GNA13: variants seen among roughly 807,000 people sequenced by gnomAD.
GNA13 encodes the protein guanine nucleotide-binding protein subunit alpha-13.
A neutral mutation model predicts 33.5 loss-of-function variants in GNA13; 4 were observed. The observed-to-expected ratio is 0.12, with a 90% CI of 0.06 to 0.27. The LOEUF is 0.27. Ranked by LOEUF, GNA13 falls within the 10% of genes least tolerant of loss-of-function variation. The pLI, the probability that GNA13 is intolerant of heterozygous loss-of-function variation, is 1.00. For synonymous variants in GNA13, 176 were observed against 183.8 expected (o/e 0.96, Z 0.34); for missense variants, 319 against 487.2 (o/e 0.65, Z 3.25).
intron 1 of GNA13, 60 bp downstream of exon 1, chr17:65,056,251 A>ACCCCCCC: frequency 9.5e-6 from 7 of 740,722 alleles, no homozygotes; most frequent in Non-Finnish European, 1.2e-5. Context: ...CCCGCCCCGC[A>ACCCCCCC]CCCGCCGCCG....
intron 2 of GNA13, among the ~76,000 whole-genome samples, chr17:65,032,684 T>G (rs553542976): frequency 6.6e-6 from 1 of 152,366 alleles, no homozygotes; most frequent in African/African-American, 2.4e-5. Context: ...TTTCACTTCT[T>G]TTATTTAATG....
chr17:65,012,808 A>G lies in GNA13; in HGVS notation c.*1449T>C. On this transcript the variant is annotated 3_prime_UTR_variant, in exon 4 of 4. Coordinates refer to ENST00000439174, the MANE Select transcript of GNA13 (RefSeq NM_006572.6). ...TCACAGTCTTAAAATTTTCAGGAAA[A>G]GTAGAAAAGCTGTCAGACTTTTCAA... The G allele has an allele frequency of 4.6e-6, 1 of 217,542 alleles. No individual in the cohort carries two copies. Among genetic ancestry groups the G allele is most frequent in the Non-Finnish European group, 9.3e-6 (1 of 108,088 alleles). 13.5% of individuals were successfully genotyped at this position (217,542 alleles called of 1,614,324 possible).
chr17:65,056,318 C>A lies in GNA13; in HGVS notation c.276G>T (p.Val92=). ...EEFRPTIYSN[V]IKGMRVLVDA... is the part of the protein sequence containing the mutation. ...CCATTCCCGGCCCGGCACCTTTGATCACGTTGCTGTAGATGGTGGGGCGGA... is the reference window on the plus strand; with the variant it reads ...CCATTCCCGGCCCGGCACCTTTGATAACGTTGCTGTAGATGGTGGGGCGGA... The change falls in exon 1 of 4, where the codon GTG becomes GTT. Residue 92 remains valine, a synonymous_variant. Coordinates refer to ENST00000439174, the MANE Select transcript of GNA13 (RefSeq NM_006572.6). The A allele has an allele frequency of 6.7e-7, 1 of 1,501,570 alleles. No homozygotes were observed. Among genetic ancestry groups the A allele is most frequent in the Non-Finnish European group, 9.0e-7 (1 of 1,112,254 alleles). The allele number at this position is 1,501,570 out of a possible 1,614,324, so 93.0% of individuals were successfully genotyped here.
chr17:65,041,958 T>A (rs1292552859), intron 2 of GNA13, among the ~76,000 whole-genome samples: 1 of 152,216 alleles, frequency 6.6e-6, no homozygotes, highest in Non-Finnish European at 1.5e-5. Flanking sequence ...TTTGATTCTT[T>A]AGAGTTGTAA....
chr17:65,045,223 T>C (rs574279944), intron 2 of GNA13, among the ~76,000 whole-genome samples: 63 of 149,600 alleles, frequency 4.2e-4, no homozygotes, highest in South Asian at 2.1e-3. Context: ...TCAGAATACA[T>C]TAAAAACTGT....
intron 2 of GNA13, among the ~76,000 whole-genome samples, chr17:65,050,881 T>C (rs1037735666): frequency 2.6e-5 from 4 of 152,218 alleles, no homozygotes; most frequent in African/African-American, 9.6e-5. Flanking sequence ...CTGGAACTTA[T>C]CTCTCCTCAT....
intron 2 of GNA13, chr17:65,053,235 G>C (rs571687310): frequency 4.8e-6 from 2 of 414,782 alleles, no homozygotes; most frequent in East Asian, 4.2e-5. Context: ...GCTGGGAATG[G>C]GACTCAAGTC....
intron 2 of GNA13, among the ~76,000 whole-genome samples, chr17:65,026,530 ATAAT>A (rs1415887946): frequency 6.6e-6 from 1 of 152,244 alleles, no homozygotes; most frequent in East Asian, 1.9e-4. Flanking sequence ...CAAAGTAAGT[ATAAT>A]TAAAGAAATA....
At chr17:65,035,260 C>T (rs1166853585) in intron 2 of GNA13, among the ~76,000 whole-genome samples, 4 of 152,030 alleles carry the variant, frequency 2.6e-5, no homozygotes, top group African/African-American at 4.8e-5. Flanking sequence ...ACATATATAG[C>T]GGGAAGAATT....
chr17:65,029,319 T>C (rs1052194534), intron 2 of GNA13, among the ~76,000 whole-genome samples: 1 of 152,190 alleles, frequency 6.6e-6, no homozygotes, highest in African/African-American at 2.4e-5. Context: ...CTACCTCCTC[T>C]GCCTAACACC....
intron 2 of GNA13, among the ~76,000 whole-genome samples, chr17:65,037,777 G>GAAAAAAAAAAAAAAAAAAAAAAAAA (rs145051963): frequency 3.7e-5 from 3 of 82,042 alleles, no homozygotes; most frequent in African/African-American, 5.1e-5. Flanking sequence ...CTACAAAAAT[G>GAAAAAAAAAAAAAAAAAAAAAAAAA]GAAAAAAAAA....
chr17:65,045,333 A>C (rs1907619453), intron 2 of GNA13, among the ~76,000 whole-genome samples: 1 of 152,076 alleles, frequency 6.6e-6, no homozygotes, highest in Non-Finnish European at 1.5e-5. Flanking sequence ...CAGCCTGGCC[A>C]ACATGGTGAA....
At chr17:65,034,023 A>AAAT in intron 2 of GNA13, among the ~76,000 whole-genome samples, 1 of 150,746 alleles carries the variant, frequency 6.6e-6, no homozygotes, top group East Asian at 1.9e-4. Context: ...AAAAAAAAAA[A>AAAT]AAAAAAAAAA....
chr17:65,026,810 CT>C (rs1400417457), intron 2 of GNA13, among the ~76,000 whole-genome samples: 2 of 152,204 alleles, frequency 1.3e-5, no homozygotes, highest in African/African-American at 4.8e-5. Context: ...CGGAGTTTCG[CT>C]CTTGTTGCCC....
chr17:65,022,418 G>T (rs914701287), intron 2 of GNA13, among the ~76,000 whole-genome samples: 3 of 150,868 alleles, frequency 2.0e-5, no homozygotes, highest in African/African-American at 7.3e-5. Context: ...AAAAAAAAGG[G>T]AGTAAATACA....
chr17:65,030,591 T>C (rs1906966502), intron 2 of GNA13, among the ~76,000 whole-genome samples: 1 of 152,224 alleles, frequency 6.6e-6, no homozygotes, highest in Non-Finnish European at 1.5e-5. Context: ...AAATAAAACA[T>C]CACTGCTTAA....
intron 2 of GNA13, among the ~76,000 whole-genome samples, chr17:65,042,819 G>C (rs1317385088): frequency 6.6e-6 from 1 of 152,110 alleles, no homozygotes; most frequent in Non-Finnish European, 1.5e-5. Flanking sequence ...AGTCTAATAA[G>C]AAAACACAAG....
chr17:65,021,489 A>G (rs573862868), intron 2 of GNA13, among the ~76,000 whole-genome samples: 3 of 152,368 alleles, frequency 2.0e-5, no homozygotes, highest in South Asian at 4.1e-4. Flanking sequence ...TATTAAATTC[A>G]TAGTCATACA....
At chr17:65,021,694 C>G (rs1906588029) in intron 2 of GNA13, among the ~76,000 whole-genome samples, 1 of 152,188 alleles carries the variant, frequency 6.6e-6, no homozygotes, top group Non-Finnish European at 1.5e-5. Context: ...TACTCAAAAA[C>G]ACCAGTGGCT....
Sources: gnomAD v4.1 joint callset for allele counts (sites outside exome capture counted in the v4.1 genomes callset) on GRCh38, gnomAD v4.1.1 for gene constraint, MANE v1.5 for transcripts, NCBI Gene and HGNC (gene_info 2026-07-23, HGNC 2026-07-21) for gene names.